CLDN14: variants seen among roughly 807,000 people sequenced by gnomAD.
CLDN14 encodes claudin-14.
In CLDN14, 2 loss-of-function variants were observed where a neutral mutation model predicts 2.1. That is an observed-to-expected ratio of 0.96 (90% confidence interval 0.39 to 3.01). The LOEUF (loss-of-function observed/expected upper bound fraction) is 3.01. Among genes scored for constraint, CLDN14 ranks in the 30% most tolerant of loss-of-function variants. CLDN14 has a pLI of 0.09. For missense variants in CLDN14, 298 were observed against 328.0 expected, an observed-to-expected ratio of 0.91 and a Z score of 0.71; for synonymous variants, 136 against 154.4, an observed-to-expected ratio of 0.88 and a Z score of 0.88.
At chr21:36,562,632 ATC>A (rs2087643843) in intron 1 of CLDN14, among the ~76,000 whole-genome samples, 1 of 151,532 alleles carries the variant, frequency 6.6e-6, no homozygotes, top group Admixed American at 6.6e-5. Context: ...ATTTTTAATA[ATC>A]TCTAAAGAAA....
At chr21:36,502,482 A>G (rs2087099719) in intron 2 of CLDN14, among the ~76,000 whole-genome samples, 1 of 152,182 alleles carries the variant, frequency 6.6e-6, no homozygotes, top group African/African-American at 2.4e-5. Context: ...CGAGGAACTG[A>G]TATCTTAGAT....
chr21:36,530,017 G>A (rs1326496109), intron 1 of CLDN14, among the ~76,000 whole-genome samples: 1 of 152,162 alleles, frequency 6.6e-6, no homozygotes, highest in South Asian at 2.1e-4. Context: ...GATTAGAAAG[G>A]AGCGTTTCCA....
intron 1 of CLDN14, among the ~76,000 whole-genome samples, chr21:36,568,977 G>A (rs926228518): frequency 1.3e-5 from 2 of 152,202 alleles, no homozygotes; most frequent in Admixed American, 6.5e-5. Context: ...ATGCTCTGCT[G>A]TCTTATAGCC....
chr21:36,462,021 G>A (rs1048357653), intron 1 of CLDN14, among the ~76,000 whole-genome samples: 9 of 152,190 alleles, frequency 5.9e-5, no homozygotes, highest in Non-Finnish European at 1.0e-4. Context: ...CCACCTGCCG[G>A]AAGTTCTGCT....
At chr21:36,497,880 G>A (rs2146472894) in intron 2 of CLDN14, among the ~76,000 whole-genome samples, 1 of 152,304 alleles carries the variant, frequency 6.6e-6, no homozygotes, top group East Asian at 1.9e-4. Context: ...TGCCCCGTGA[G>A]GCTGTGGTTT....
chr21:36,516,761 A>G (rs1353550962), intron 1 of CLDN14, among the ~76,000 whole-genome samples: 5 of 152,242 alleles, frequency 3.3e-5, no homozygotes, highest in Non-Finnish European at 7.3e-5. Flanking sequence ...CACACAGTAC[A>G]TTGGTGAGCG....
intron 2 of CLDN14, among the ~76,000 whole-genome samples, chr21:36,508,469 AT>A: frequency 6.6e-6 from 1 of 152,326 alleles, no homozygotes; most frequent in South Asian, 2.1e-4. Flanking sequence ...TGAAAACAGC[AT>A]TAGGGTAGGA....
At chr21:36,489,131 A>AAAAAAAAAAATATATATAT in intron 2 of CLDN14, among the ~76,000 whole-genome samples, 2 of 62,734 alleles carry the variant, frequency 3.2e-5, no homozygotes, top group African/African-American at 5.9e-5. Context: ...AAAAAAAAAA[A>AAAAAAAAAAATATATATAT]ATATATATAT....
At chr21:36,540,117 T>C (rs2087475572) in intron 1 of CLDN14, among the ~76,000 whole-genome samples, 1 of 151,136 alleles carries the variant, frequency 6.6e-6, no homozygotes, top group African/African-American at 2.4e-5. Flanking sequence ...TGAGTGTGTG[T>C]GGTGTGTGGT....
upstream of CLDN14, among the ~76,000 whole-genome samples, chr21:36,482,347 TGG>T (rs1568851671): frequency 6.7e-6 from 1 of 149,678 alleles, no homozygotes; most frequent in Non-Finnish European, 1.5e-5. Context: ...GATGGATGGA[TGG>T]ATGGATGGAT....
At chr21:36,489,124 A>AAAAAAT (rs1555847017) in intron 2 of CLDN14, among the ~76,000 whole-genome samples, 1 of 95,242 alleles carries the variant, frequency 1.0e-5, no homozygotes, top group Non-Finnish European at 2.3e-5. Context: ...AAAGAAAAAA[A>AAAAAAT]AAAAAAAATA....
intron 1 of CLDN14, among the ~76,000 whole-genome samples, chr21:36,543,691 G>A (rs2087508018): frequency 1.3e-5 from 2 of 152,204 alleles, no homozygotes; most frequent in South Asian, 2.1e-4. Context: ...CCTGAGGCCA[G>A]TAGCTGAAGA....
chr21:36,557,460 A>T (rs1306982225), intron 1 of CLDN14, among the ~76,000 whole-genome samples: 1 of 148,898 alleles, frequency 6.7e-6, no homozygotes, highest in Non-Finnish European at 1.5e-5. Flanking sequence ...CTCTTATCTT[A>T]AAAAAAAAAT....
At chr21:36,477,654 C>T (rs2086794854) in intron 1 of CLDN14, 1 of 152,076 alleles carries the variant, frequency 6.6e-6, no homozygotes, top group African/African-American at 2.4e-5. Flanking sequence ...GTCCCCCCGA[C>T]ACTTCTCTTG....
chr21:36,496,733 G>A (rs1442066985), intron 2 of CLDN14, among the ~76,000 whole-genome samples: 1 of 3,194 alleles, frequency 3.1e-4, no homozygotes, highest in Non-Finnish European at 2.2e-3. Context: ...GAGGGAGGAA[G>A]GGAGGGAGGA....
At chr21:36,528,865 C>G (rs1158973872) in intron 1 of CLDN14, among the ~76,000 whole-genome samples, 3 of 152,224 alleles carry the variant, frequency 2.0e-5, no homozygotes, top group Non-Finnish European at 2.9e-5. Flanking sequence ...CAGGCAGCAT[C>G]TGCTGTAGTG....
At chr21:36,483,676 T>C (rs13051987), upstream of CLDN14, among the ~76,000 whole-genome samples, 65,097 of 152,136 alleles carry the variant, frequency 0.43, 16,294 homozygotes, top group Non-Finnish European at 0.56. Flanking sequence ...ATGATGTAGC[T>C]GTGTGAGTTG....
At chr21:36,576,557 G>C (rs2087743422) in exon 1 of CLDN14, 1 of 153,340 alleles carries the variant, frequency 6.5e-6, no homozygotes, top group Non-Finnish European at 1.4e-5. Flanking sequence ...GCTTTTCCCA[G>C]CTTGCCCTCC....
At chr21:36,464,963 T>A (rs1048386930) in intron 1 of CLDN14, among the ~76,000 whole-genome samples, 5 of 152,164 alleles carry the variant, frequency 3.3e-5, no homozygotes, top group Non-Finnish European at 1.5e-5. Flanking sequence ...CCCACAGAGA[T>A]CTCAGAACAA....
Sources: allele counts gnomAD v4.1 joint callset (sites outside exome capture counted in the v4.1 genomes callset), GRCh38; gene constraint gnomAD v4.1.1; transcripts MANE v1.5; gene names NCBI Gene and HGNC (gene_info 2026-07-23, HGNC 2026-07-21).